The following SMIM7 variants were observed in gnomAD, a reference collection of about 807,000 sequenced individuals.
The protein encoded by SMIM7 is small integral membrane protein 7, also known as UPF0608 protein C19orf42.
Under a neutral mutation model 13.3 loss-of-function variants are expected in SMIM7, and 12 were observed. The observed-to-expected ratio is 0.90, with a 90% CI of 0.58 to 1.46. SMIM7 has a LOEUF of 1.46. SMIM7 is among the 40% of genes most tolerant of loss of function. The pLI is 0.00. For synonymous variants in SMIM7, 36 were observed against 35.8 expected (o/e 1.01, Z -0.02); for missense variants, 114 against 94.8 (o/e 1.20, Z -0.84).
chr19:16,637,205 C>T (rs2086366855), intron 4 of SMIM7, among the ~76,000 whole-genome samples: 1 of 152,154 alleles, frequency 6.6e-6, no homozygotes, highest in African/African-American at 2.4e-5. Context: ...TTAGCATTAC[C>T]AGGGAGCTCC....
At chr19:16,652,744 A>G (rs2086543935) in intron 4 of SMIM7, 2 of 1,458,282 alleles carry the variant, frequency 1.4e-6, no homozygotes, top group South Asian at 1.5e-5. Flanking sequence ...GCAACCCCAC[A>G]TTCGGAGTCT....
intron 4 of SMIM7, 24 bp from the exon 5 acceptor site, chr19:16,647,285 T>C (rs777017497): frequency 5.3e-5 from 86 of 1,613,626 alleles, no homozygotes; most frequent in Admixed American, 5.2e-4. Context: ...AGGGCAGAAA[T>C]GTCTGTGAGG....
At chr19:16,632,823 T>C (rs1005471119) in intron 4 of SMIM7, among the ~76,000 whole-genome samples, 42 of 152,054 alleles carry the variant, frequency 2.8e-4, no homozygotes, top group African/African-American at 9.9e-4. Context: ...TGAGCCACCA[T>C]GCCCGGCCAA....
At chr19:16,656,884 G>A (rs2086603091) in intron 3 of SMIM7, among the ~76,000 whole-genome samples, 1 of 151,490 alleles carries the variant, frequency 6.6e-6, no homozygotes, top group South Asian at 2.1e-4. Flanking sequence ...GGGCAACAGA[G>A]AGAGGCTCCA....
chr19:16,653,989 G>A (rs780242152), intron 4 of SMIM7, 46 bp downstream of exon 4: 6 of 1,519,682 alleles, frequency 3.9e-6, no homozygotes, highest in Non-Finnish European at 5.5e-6. Context: ...CCCTGGAGAA[G>A]GAGACTAAGA....
At chr19:16,655,401 C>T (rs774968158) in intron 3 of SMIM7, 18 of 455,808 alleles carry the variant, frequency 3.9e-5, no homozygotes, top group South Asian at 2.8e-4. Context: ...CCAGATTAGG[C>T]CAGGCATGGT....
In SMIM7 at chr19:16,659,749, G is replaced by A. The variant is rs915287422; in HGVS notation, c.68+210C>T. The A allele has an allele frequency of 2.6e-5, 18 of 689,646 alleles. 1 individual carries two copies. The highest frequency in any genetic ancestry group is 1.1e-4 in the South Asian group (6 of 56,124). The allele number at this position is 689,646 out of a possible 1,614,324, so 42.7% of individuals were successfully genotyped here. A position where few individuals can be genotyped will look rare whatever the true frequency, so the allele number is the denominator to read the frequency against. On this transcript the variant is annotated intron_variant, in intron 2 of 4. Transcript: ENST00000487416. ...AGCTCTCCAGGAAGGTGAACAGAGG[G>A]ACAACCAAGGAACGGAGAGTATGGG...
At chr19:16,648,832 C>G (rs1599368024) in intron 4 of SMIM7, among the ~76,000 whole-genome samples, 1 of 151,332 alleles carries the variant, frequency 6.6e-6, no homozygotes, top group African/African-American at 2.4e-5. Flanking sequence ...CATAGCGAAA[C>G]CCAGTACTTC....
chr19:16,638,199 G>T (rs1487471327), intron 4 of SMIM7, among the ~76,000 whole-genome samples: 2 of 152,062 alleles, frequency 1.3e-5, no homozygotes, highest in Non-Finnish European at 2.9e-5. Context: ...AGCCGGAGGC[G>T]GAGGTTGCAG....
In SMIM7 at chr19:16,638,408, A is replaced by G. The variant is rs557862524; in HGVS notation, c.*138-6684T>C. 1.4e-3 allele frequency among the ~76,000 whole-genome samples: 202 copies of G among 139,882 alleles called. 1 individual carries two copies. The highest frequency in any genetic ancestry group is 5.1e-3 in the African/African-American group (189 of 36,796). 91.8% of individuals were successfully genotyped at this position (139,882 alleles called of 152,430 possible). ...AACCCCTGCCTCCCGGGTTCAGGTG[A>G]TTTTCCTGCCTCAGACTCCTGAGTA... On this transcript the variant is annotated intron_variant and NMD_transcript_variant, in intron 4 of 4. Transcript: ENST00000465250.
At chr19:16,657,004 CCTGCCT>C (rs1325290817) in intron 3 of SMIM7, among the ~76,000 whole-genome samples, 1 of 152,174 alleles carries the variant, frequency 6.6e-6, no homozygotes, top group African/African-American at 2.4e-5. Flanking sequence ...GAGCTCAAAT[CCTGCCT>C]CTGTCCTTCT....
chr19:16,634,897 A>G (rs1352466034), intron 4 of SMIM7: 1 of 152,138 alleles, frequency 6.6e-6, no homozygotes. Context: ...ACGTGCAGAC[A>G]ACCTGCCCCA....
exon 5 of SMIM7, chr19:16,631,553 G>GGACTCACTGCTGTGGCCTA (rs1395350975): frequency 6.6e-6 from 1 of 152,140 alleles, no homozygotes; most frequent in East Asian, 1.9e-4. Context: ...GCTTCTCCCT[G>GGACTCACTGCTGTGGCCTA]GACTCACTGC....
At chr19:16,652,486 GC>G in intron 4 of SMIM7, 1 of 991,722 alleles carries the variant, frequency 1.0e-6, no homozygotes, top group Non-Finnish European at 1.2e-6. Context: ...ACAGGCCTGA[GC>G]CACTGCCCCT....
intron 3 of SMIM7, among the ~76,000 whole-genome samples, chr19:16,654,785 G>T (rs963376911): frequency 6.6e-6 from 1 of 152,064 alleles, no homozygotes; most frequent in Non-Finnish European, 1.5e-5. Flanking sequence ...ATGGCACACA[G>T]CCATACCCAT....
At chr19:16,644,068 A>C (rs1021669662), downstream of SMIM7, 4 of 149,484 alleles carry the variant, frequency 2.7e-5, no homozygotes, top group African/African-American at 9.9e-5. Flanking sequence ...AAAATGCTGC[A>C]TGGGGATGGT....
At chr19:16,649,945 C>T (rs1392979204) in intron 4 of SMIM7, among the ~76,000 whole-genome samples, 1 of 152,040 alleles carries the variant, frequency 6.6e-6, no homozygotes, top group African/African-American at 2.4e-5. Context: ...AGGAAGCCGA[C>T]GAGTGGTTGC....
In SMIM7 at chr19:16,650,892, T is replaced by C. The variant is rs553748662; in HGVS notation, c.212+3143A>G. ...AAGGCACTCATTTAAGGTTTATCCA[T>C]GGTTACTGCATGCACATTACACAGC... On this transcript the variant is annotated intron_variant, in intron 4 of 4. Coordinates refer to ENST00000487416, the MANE Select transcript of SMIM7 (RefSeq NM_024104.4). Among the ~76,000 whole-genome samples, 10 of 152,302 alleles carry C rather than the reference T, an allele frequency of 6.6e-5. No homozygotes were observed. In the South Asian group the frequency reaches 1.9e-3, roughly 28 times the overall value.
At chr19:16,637,517 T>G (rs1287192160) in intron 4 of SMIM7, among the ~76,000 whole-genome samples, 5 of 152,040 alleles carry the variant, frequency 3.3e-5, no homozygotes, top group African/African-American at 1.2e-4. Context: ...AGAAAAGAAA[T>G]GTAGGCCCTT....
Sources: gnomAD v4.1 joint callset for allele counts (sites outside exome capture counted in the v4.1 genomes callset) on GRCh38, gnomAD v4.1.1 for gene constraint, MANE v1.5 for transcripts, NCBI Gene and HGNC (gene_info 2026-07-23, HGNC 2026-07-21) for gene names.